The following KANK4 variants were observed in gnomAD, a reference collection of about 807,000 sequenced individuals.
KANK4 encodes KN motif and ankyrin repeat domain-containing protein 4.
Under a neutral mutation model 80.8 loss-of-function variants are expected in KANK4, and 50 were observed. The ratio of observed to expected loss-of-function variants is 0.62; its 90% confidence interval spans 0.49 to 0.78. The LOEUF (loss-of-function observed/expected upper bound fraction) is 0.78. Among genes scored for constraint, KANK4 ranks in the 30% least tolerant of loss-of-function variants. The probability of loss-of-function intolerance (pLI) is 0.00; values close to 1 mark genes in which losing one functional copy is unlikely to be tolerated. For synonymous variants in KANK4, 465 were observed against 506.9 expected, an observed-to-expected ratio of 0.92 and a Z score of 1.11; for missense variants, 1,196 against 1,240.1, an observed-to-expected ratio of 0.96 and a Z score of 0.53.
At chr1:62,257,244 C>G (rs578009032) in intron 7 of KANK4, among the ~76,000 whole-genome samples, 1 of 152,104 alleles carries the variant, frequency 6.6e-6, no homozygotes, top group Non-Finnish European at 1.5e-5. Context: ...TGCGCCACCA[C>G]GCCCGGCTCA....
At chr1:62,263,401 C>T in intron 6 of KANK4, 90 bp from the exon 7 acceptor site, 1 of 969,710 alleles carries the variant, frequency 1.0e-6, no homozygotes, top group Non-Finnish European at 1.6e-6. Context: ...TGGCCTCTGT[C>T]CCTGCAGCTC....
rs116438575 is a variant in KANK4, at chr1:62,282,360, C to T, written c.-70-726G>A. Among the ~76,000 whole-genome samples, 233 of 152,298 alleles carry T rather than the reference C, an allele frequency of 1.5e-3. 1 individual carries two copies. The highest frequency in any genetic ancestry group is 5.4e-3 in the African/African-American group (224 of 41,572). ...AATGGTAAACATCCTAGCTCCTGCC[C>T]CCATTACAATGAATCACCCAGGAAA... is the stretch of plus-strand genomic sequence containing the variant. On this transcript the variant is annotated intron_variant, in intron 1 of 9. Coordinates refer to ENST00000371153, the MANE Select transcript of KANK4 (RefSeq NM_181712.5).
Position 62,236,354 on chromosome 1 carries a change from G to T in KANK4, c.*1923C>A, listed in dbSNP as rs935194522. 6.6e-6 allele frequency among the ~76,000 whole-genome samples: 1 copy of T among 152,106 alleles called. No individual in the cohort carries two copies. Among genetic ancestry groups the T allele is most frequent in the Admixed American group, 6.6e-5 (1 of 15,264 alleles). On this transcript the variant is annotated 3_prime_UTR_variant, in exon 10 of 10. Coordinates refer to ENST00000371153, the MANE Select transcript of KANK4 (RefSeq NM_181712.5). The stretch of plus-strand genomic sequence containing the variant: ...GATTTGTATGCACATAAATGTTCGC[G>T]AAGCACCGGGCTAGAACATTTATTA...
At chr1:62,260,836 G>A (rs1012992082) in intron 7 of KANK4, among the ~76,000 whole-genome samples, 9 of 151,284 alleles carry the variant, frequency 5.9e-5, no homozygotes, top group Non-Finnish European at 1.3e-4. Flanking sequence ...CCACTGACGT[G>A]CTCTCTCTCT....
At chr1:62,269,907 T>C (rs910017304) in intron 4 of KANK4, among the ~76,000 whole-genome samples, 1 of 152,210 alleles carries the variant, frequency 6.6e-6, no homozygotes, top group African/African-American at 2.4e-5. Flanking sequence ...TCCCAGTATG[T>C]GGACTGCACA....
At chr1:62,250,116 T>C (rs1279163139) in intron 8 of KANK4, among the ~76,000 whole-genome samples, 1 of 152,090 alleles carries the variant, frequency 6.6e-6, no homozygotes, top group Non-Finnish European at 1.5e-5. Context: ...GCCTCCCAAG[T>C]AGCTGGGAAT....
chr1:62,264,631 C>G (rs1342699105), intron 6 of KANK4, among the ~76,000 whole-genome samples: 10 of 152,104 alleles, frequency 6.6e-5, no homozygotes, highest in Admixed American at 1.3e-4. Flanking sequence ...TGCTTTGATC[C>G]TAACATGGGT....
At chr1:62,290,252 T>C (rs974935956) in intron 1 of KANK4, among the ~76,000 whole-genome samples, 6 of 152,200 alleles carry the variant, frequency 3.9e-5, no homozygotes, top group African/African-American at 1.4e-4. Flanking sequence ...TTGCACCTTA[T>C]TTTCCAAACC....
At chr1:62,290,874 A>G (rs1408231174) in intron 1 of KANK4, among the ~76,000 whole-genome samples, 1 of 151,892 alleles carries the variant, frequency 6.6e-6, no homozygotes, top group Non-Finnish European at 1.5e-5. Flanking sequence ...TCTCCCAAAT[A>G]GCTGGGACTA....
rs370877595 is a variant in KANK4 at position 62,237,131 on chromosome 1, C to CTTTTTTTTTTTTTTTTTTTTT, written c.*1145_*1146insAAAAAAAAAAAAAAAAAAAAA. 1 of 121,908 alleles carries CTTTTTTTTTTTTTTTTTTTTT rather than the reference C, an allele frequency of 8.2e-6. No homozygotes were observed. Among genetic ancestry groups the CTTTTTTTTTTTTTTTTTTTTT allele is most frequent in the Non-Finnish European group, 1.7e-5 (1 of 57,892 alleles). The allele number at this position is 121,908 out of a possible 1,614,324, so 7.6% of individuals were successfully genotyped here. ...ACATTACTTCTTTTTATATAAGGGG[C>CTTTTTTTTTTTTTTTTTTTTT]TTTTTTTTTTTTTTTTTGCATAAGA... is the stretch of plus-strand genomic sequence containing the variant. On this transcript the variant is annotated 3_prime_UTR_variant, in exon 10 of 10. Coordinates refer to ENST00000371153, the MANE Select transcript of KANK4 (RefSeq NM_181712.5).
At position 62,246,108 on chromosome 1, in the gene KANK4, G is replaced by A. The variant is rs112994549; in HGVS notation, c.2883+1364C>T. 2.0e-5 allele frequency among the ~76,000 whole-genome samples: 3 copies of A among 152,312 alleles called. 1 individual carries two copies. The highest frequency in any genetic ancestry group is 7.2e-5 in the African/African-American group (3 of 41,568). On this transcript the variant is annotated intron_variant, in intron 9 of 9. Transcript: ENST00000371153. ...GTCAATCTCACAAGATTGTTGTGGG[G>A]TTTAAATGAGATGGTCCATGGCAAA... is the stretch of plus-strand genomic sequence containing the variant.
chr1:62,294,960 T>C (rs370963420), intron 1 of KANK4, among the ~76,000 whole-genome samples: 50 of 152,208 alleles, frequency 3.3e-4, no homozygotes, highest in African/African-American at 1.2e-3. Context: ...TTATATATTG[T>C]TGTGGCCTGG....
In KANK4 at chr1:62,238,057, C is replaced by T. The variant is rs1671246377; in HGVS notation, c.*220G>A. On this transcript the variant is annotated 3_prime_UTR_variant, in exon 10 of 10. Coordinates refer to ENST00000371153, the MANE Select transcript of KANK4 (RefSeq NM_181712.5). ...TACCCCTCACCTTGCACCTTGAACC[C>T]TGCTCTGAAGCCCGTGTAGTTTTCA... The T allele has an allele frequency of 2.0e-6, 1 of 493,068 alleles. No homozygotes were observed. Among genetic ancestry groups the T allele is most frequent in the East Asian group, 3.1e-5 (1 of 32,418 alleles). The allele number at this position is 493,068 out of a possible 1,614,324, so 30.5% of individuals were successfully genotyped here. A position where few individuals can be genotyped will look rare whatever the true frequency, so the allele number is the denominator to read the frequency against.
At chr1:62,280,807 T>G (rs1672435153) in intron 2 of KANK4, among the ~76,000 whole-genome samples, 1 of 152,200 alleles carries the variant, frequency 6.6e-6, no homozygotes, top group African/African-American at 2.4e-5. Flanking sequence ...AGAAAAGGTG[T>G]TGTCAACTGT....
intron 1 of KANK4, among the ~76,000 whole-genome samples, chr1:62,318,273 G>C (rs1306816610): frequency 6.6e-6 from 1 of 152,180 alleles, no homozygotes; most frequent in African/African-American, 2.4e-5. Flanking sequence ...ACTCCAGGGC[G>C]CTTAGGAACT....
At chr1:62,283,449 TCAAGTCTAGCCGACTC>T (rs1672494091) in intron 1 of KANK4, among the ~76,000 whole-genome samples, 2 of 152,174 alleles carry the variant, frequency 1.3e-5, no homozygotes, top group African/African-American at 4.8e-5. Flanking sequence ...GGATGTGCCC[TCAAGTCTAGCCGACTC>T]CAAGCCTGGG....
chr1:62,246,269 A>T (rs6664672), intron 9 of KANK4, among the ~76,000 whole-genome samples: 1 of 152,014 alleles, frequency 6.6e-6, no homozygotes. Context: ...TGTGACTGAC[A>T]GTGCAACTTC....
chr1:62,283,248 C>T (rs1233807271), intron 1 of KANK4, among the ~76,000 whole-genome samples: 1 of 152,214 alleles, frequency 6.6e-6, no homozygotes, highest in Non-Finnish European at 1.5e-5. Flanking sequence ...TCCCCTCTCC[C>T]TCCCACCCCT....
Position 62,263,240 on chromosome 1 carries a change from C to A in KANK4, c.2391G>T (p.Val797=). 1.2e-6 allele frequency: 2 copies of A among 1,613,754 alleles called. No individual in the cohort carries two copies. The highest frequency in any genetic ancestry group is 1.7e-6 in the Non-Finnish European group (2 of 1,179,920). The change falls in exon 7 of 10, where the codon GTG becomes GTT. Residue 797 remains valine (V), a synonymous_variant. Transcript: ENST00000371153. ...GGACCTCGTGGAGGTAGGAGGCCAC[C>A]ACGGCGGGGCTAGACGACTTCCGGC... ...VSSRKSSSPA[V]VASYLHEVQP... is the part of the protein sequence containing the mutation.
Sources: allele counts gnomAD v4.1 joint callset (sites outside exome capture counted in the v4.1 genomes callset), GRCh38; gene constraint gnomAD v4.1.1; transcripts MANE v1.5; gene names NCBI Gene and HGNC (gene_info 2026-07-23, HGNC 2026-07-21).